RAB11A: variants seen among roughly 807,000 people sequenced by gnomAD.
RAB11A encodes RAB11A, member RAS oncogene family.
In RAB11A, 9 loss-of-function variants were observed where a neutral mutation model predicts 28.0. The observed-to-expected ratio is 0.32, with a 90% CI of 0.19 to 0.56. The LOEUF is 0.56. Among genes scored for constraint, RAB11A ranks in the 20% least tolerant of loss-of-function variants. The pLI is 0.91. For synonymous variants in RAB11A, 85 were observed against 88.2 expected, an observed-to-expected ratio of 0.96 and a Z score of 0.20; for missense variants, 108 against 269.6, an observed-to-expected ratio of 0.40 and a Z score of 4.20.
At chr15:65,887,491 T>C (rs922062616) in intron 4 of RAB11A, among the ~76,000 whole-genome samples, 1 of 152,226 alleles carries the variant, frequency 6.6e-6, no homozygotes, top group Admixed American at 6.5e-5. Flanking sequence ...GAAAAACCTT[T>C]GTTTCTTTTC....
intron 4 of RAB11A, 22 bp from the exon 5 acceptor site, chr15:65,887,679 T>C (rs1803432944): frequency 1.3e-6 from 2 of 1,599,740 alleles, no homozygotes; most frequent in Middle Eastern, 1.7e-4. Flanking sequence ...CACTAAGTAT[T>C]GTGGTTTCTT....
At position 65,891,038 on chromosome 15, in the gene RAB11A, T is replaced by C. The variant is rs1228813099; in HGVS notation, c.*3198T>C. The C allele has an allele frequency of 6.6e-6, 1 of 152,234 alleles. No homozygotes were observed. Among genetic ancestry groups the C allele is most frequent in the Non-Finnish European group, 1.5e-5 (1 of 68,046 alleles). The allele number at this position is 152,234 out of a possible 1,614,324, so 9.4% of individuals were successfully genotyped here. ...TCTTCCACCACATCATTTAATGGGT[T>C]AGCGGAACAGATAGGGAGCTATGAC... On this transcript the variant is annotated 3_prime_UTR_variant, in exon 5 of 5. Coordinates refer to ENST00000261890, the MANE Select transcript of RAB11A (RefSeq NM_004663.5).
intron 4 of RAB11A, 150 bp downstream of exon 4, chr15:65,879,901 T>A: frequency 1.8e-6 from 1 of 562,940 alleles, no homozygotes; most frequent in Non-Finnish European, 3.1e-6. Context: ...AGTGCAAAAT[T>A]AACTACAACC....
At chr15:65,884,597 A>G (rs934507224) in intron 4 of RAB11A, among the ~76,000 whole-genome samples, 6 of 152,192 alleles carry the variant, frequency 3.9e-5, no homozygotes, top group Admixed American at 6.5e-5. Flanking sequence ...TTACAAGTAC[A>G]GCATACTGTT....
In RAB11A at chr15:65,888,032, A is replaced by G. The variant is rs1247395719; in HGVS notation, c.*192A>G. ...TCCCGAATGACTGCAGCTTTTTTTC[A>G]TGCTATGGCTTCACTAGCCTTAGTT... is the stretch of plus-strand genomic sequence containing the variant. On this transcript the variant is annotated 3_prime_UTR_variant, in exon 5 of 5. Transcript: ENST00000261890. 6 of 511,582 alleles carry G rather than the reference A, an allele frequency of 1.2e-5. No individual in the cohort carries two copies. Among genetic ancestry groups the G allele is most frequent in the Admixed American group, 4.2e-5 (1 of 23,834 alleles). The allele number at this position is 511,582 out of a possible 1,614,324, so 31.7% of individuals were successfully genotyped here.
intron 4 of RAB11A, among the ~76,000 whole-genome samples, chr15:65,881,877 T>TAA (rs57352123): frequency 0.064 from 5,514 of 85,964 alleles, 200 homozygotes; most frequent in Non-Finnish European, 0.1. Context: ...ACCCTGTCTC[T>TAA]AAAAAAAAAA....
At chr15:65,879,880 A>G in intron 4 of RAB11A, 129 bp downstream of exon 4, 2 of 693,686 alleles carry the variant, frequency 2.9e-6, no homozygotes, top group Non-Finnish European at 4.6e-6. Flanking sequence ...ACTCTAGCAA[A>G]AGCTGTTTAG....
intron 4 of RAB11A, among the ~76,000 whole-genome samples, chr15:65,883,134 CAG>C (rs2078233444): frequency 6.6e-6 from 1 of 152,140 alleles, no homozygotes; most frequent in Non-Finnish European, 1.5e-5. Context: ...TTATCAAAAT[CAG>C]AGAGTTAGAT....
chr15:65,869,771 C>T (rs2078146610), intron 1 of RAB11A, 146 bp downstream of exon 1: 2 of 846,958 alleles, frequency 2.4e-6, no homozygotes, highest in Non-Finnish European at 3.4e-6. Flanking sequence ...CTACCCAGCT[C>T]AGCCTCTTCT....
intron 3 of RAB11A, among the ~76,000 whole-genome samples, chr15:65,879,103 C>G (rs1307840354): frequency 1.3e-5 from 2 of 151,306 alleles, no homozygotes; most frequent in African/African-American, 4.9e-5. Flanking sequence ...TAGTGATCTT[C>G]CACCTCAGCC....
chr15:65,869,815 G>C (rs758901828), intron 1 of RAB11A, among the ~76,000 whole-genome samples, 190 bp downstream of exon 1: 1 of 152,098 alleles, frequency 6.6e-6, no homozygotes, highest in African/African-American at 2.4e-5. Context: ...ATCACATGCC[G>C]CTCTCTGAGC....
At position 65,890,880 on chromosome 15, in the gene RAB11A, A is replaced by G. The variant is rs578081771; in HGVS notation, c.*3040A>G. ...TTGGTTTAACAGAGGAAAAAAATAT[A>G]AATTGATTTTCTGATGTCTCACAAA... On this transcript the variant is annotated 3_prime_UTR_variant, in exon 5 of 5. Transcript: ENST00000261890. 9 of 152,324 alleles carry G rather than the reference A, an allele frequency of 5.9e-5. No homozygotes were observed. The South Asian group carries it at 6.2e-4, about 11-fold the overall frequency. The allele number at this position is 152,324 out of a possible 1,614,324, so 9.4% of individuals were successfully genotyped here.
At position 65,887,840 on chromosome 15, in the gene RAB11A, A is replaced by G. The variant is rs774584259; in HGVS notation, c.651A>G (p.Ter217=). The G allele has an allele frequency of 6.2e-7, 1 of 1,605,278 alleles. No individual in the cohort carries two copies. Among genetic ancestry groups the G allele is most frequent in the African/African-American group, 1.3e-5 (1 of 74,230 alleles). The change falls in exon 5 of 5, where the codon TAA becomes TAG. Residue 217 remains the stop codon, a stop_retained_variant. Coordinates refer to ENST00000261890, the MANE Select transcript of RAB11A (RefSeq NM_004663.5). The stretch of plus-strand genomic sequence containing the variant: ...AGGTGCAGTGCTGTCAGAACATCTA[A>G]GGCATTTCTCTTCTCCCCTAGAAGG... The part of the protein sequence containing the change: ...KPKVQCCQNI[*]
chr15:65,884,674 C>T (rs574525020), intron 4 of RAB11A, among the ~76,000 whole-genome samples: 2 of 151,340 alleles, frequency 1.3e-5, no homozygotes, highest in South Asian at 2.1e-4. Flanking sequence ...ATAAAAATGC[C>T]ACCAAAGCAA....
chr15:65,869,791 A>T (rs1455587893), intron 1 of RAB11A, among the ~76,000 whole-genome samples, 166 bp downstream of exon 1: 1 of 152,084 alleles, frequency 6.6e-6, no homozygotes, highest in Non-Finnish European at 1.5e-5. Context: ...TCCCCCGCTC[A>T]GACAGGGGTC....
intron 4 of RAB11A, among the ~76,000 whole-genome samples, chr15:65,885,309 G>A (rs1162728150): frequency 1.3e-5 from 2 of 151,324 alleles, no homozygotes; most frequent in Admixed American, 6.6e-5. Context: ...TGTATTTTTA[G>A]TAGAGACGGG....
intron 1 of RAB11A, among the ~76,000 whole-genome samples, chr15:65,870,850 G>A (rs1434168130): frequency 4.6e-5 from 7 of 152,110 alleles, no homozygotes; most frequent in African/African-American, 1.7e-4. Flanking sequence ...TATTGGTTGA[G>A]TCCGGAAGGA....
At chr15:65,880,494 T>C (rs1421400838) in intron 4 of RAB11A, among the ~76,000 whole-genome samples, 1 of 152,242 alleles carries the variant, frequency 6.6e-6, no homozygotes, top group Non-Finnish European at 1.5e-5. Context: ...TGATTTAAAA[T>C]GTGGTCTTAA....
At chr15:65,879,606 G>T in intron 3 of RAB11A, 65 bp from the exon 4 acceptor site, 1 of 1,244,236 alleles carries the variant, frequency 8.0e-7, no homozygotes, top group Non-Finnish European at 1.1e-6. Context: ...CCTTTTGAGG[G>T]CTTGAGTATA....
Sources: gnomAD v4.1 joint callset for allele counts (sites outside exome capture counted in the v4.1 genomes callset) on GRCh38, gnomAD v4.1.1 for gene constraint, MANE v1.5 for transcripts, NCBI Gene and HGNC (gene_info 2026-07-23, HGNC 2026-07-21) for gene names.